The following PRICKLE1 variants were observed in gnomAD, a reference collection of about 807,000 sequenced individuals.
The protein encoded by PRICKLE1 is prickle-like protein 1.
In PRICKLE1, 14 loss-of-function variants were observed where a neutral mutation model predicts 70.2. That is an observed-to-expected ratio of 0.20 (90% confidence interval 0.13 to 0.31). The LOEUF (loss-of-function observed/expected upper bound fraction) is 0.31, where lower values mean the gene tolerates loss of function less well. Among genes scored for constraint, PRICKLE1 ranks in the 10% least tolerant of loss-of-function variants. The probability of loss-of-function intolerance (pLI) is 1.00; values close to 1 mark genes in which losing one functional copy is unlikely to be tolerated. For missense variants in PRICKLE1, 821 were observed against 1,026.2 expected, an observed-to-expected ratio of 0.80 and a Z score of 2.73; for synonymous variants, 357 against 379.9, an observed-to-expected ratio of 0.94 and a Z score of 0.70.
chr12:42,480,019 A>G (rs1938736187), intron 1 of PRICKLE1, among the ~76,000 whole-genome samples: 1 of 152,048 alleles, frequency 6.6e-6, no homozygotes, highest in African/African-American at 2.4e-5. Context: ...TGTAAAAATT[A>G]TATGTGATTT....
intron 1 of PRICKLE1, among the ~76,000 whole-genome samples, chr12:42,548,753 A>G (rs1940255106): frequency 1.3e-5 from 2 of 152,274 alleles, no homozygotes; most frequent in South Asian, 4.1e-4. Context: ...TATCCTGTCC[A>G]TCCCTCACCT....
intron 1 of PRICKLE1, among the ~76,000 whole-genome samples, chr12:42,586,475 A>T (rs1940989230): frequency 1.3e-5 from 2 of 151,816 alleles, no homozygotes; most frequent in Non-Finnish European, 2.9e-5. Context: ...GATCCTCCCC[A>T]GTAGCTGGGG....
chr12:42,459,223 T>C lies in PRICKLE1; in HGVS notation c.*586A>G, dbSNP rs1371070079. ...TAAATTAGGAATACACTTAAGTCTA[T>C]GAAATACTAAGTTATAAATAGCAAT... On this transcript the variant is annotated 3_prime_UTR_variant, in exon 8 of 8. Transcript: ENST00000345127. 5.7e-6 allele frequency: 4 copies of C among 697,098 alleles called. No individual in the cohort carries two copies. In the South Asian group the frequency reaches 6.0e-5, roughly 10 times the overall value. 43.2% of individuals were successfully genotyped at this position (697,098 alleles called of 1,614,324 possible).
intron 1 of PRICKLE1, among the ~76,000 whole-genome samples, chr12:42,505,179 C>A (rs926702756): frequency 1.3e-5 from 2 of 151,994 alleles, no homozygotes; most frequent in Non-Finnish European, 2.9e-5. Context: ...ACGGCTACTT[C>A]ACAGTTCTGG....
chr12:42,539,908 C>T (rs1384787446), intron 1 of PRICKLE1, among the ~76,000 whole-genome samples: 1 of 150,982 alleles, frequency 6.6e-6, no homozygotes, highest in African/African-American at 2.4e-5. Flanking sequence ...CAGTGGAACA[C>T]TGCCTTTAAT....
At chr12:42,554,882 A>ATT (rs57751175) in intron 1 of PRICKLE1, among the ~76,000 whole-genome samples, 75 of 144,792 alleles carry the variant, frequency 5.2e-4, no homozygotes, top group Non-Finnish European at 8.8e-4. Context: ...ACTAGAACTT[A>ATT]TTTTTTTTTT....
chr12:42,474,742 G>C (rs1363132136), intron 1 of PRICKLE1, among the ~76,000 whole-genome samples: 1 of 152,168 alleles, frequency 6.6e-6, no homozygotes, highest in Non-Finnish European at 1.5e-5. Flanking sequence ...CTCCTACCAG[G>C]AGAATGAGTG....
intron 1 of PRICKLE1, among the ~76,000 whole-genome samples, chr12:42,476,562 C>T (rs7969910): frequency 0.63 from 94,718 of 151,152 alleles, 29,823 homozygotes; most frequent in African/African-American, 0.67. Context: ...GGGATCTGCC[C>T]GCTTTGGCCT....
At chr12:42,491,909 G>A (rs1414620418) in intron 1 of PRICKLE1, among the ~76,000 whole-genome samples, 2 of 149,304 alleles carry the variant, frequency 1.3e-5, no homozygotes, top group Admixed American at 6.8e-5. Flanking sequence ...TCAGCCTCTC[G>A]AGCAGCTGGG....
intron 1 of PRICKLE1, among the ~76,000 whole-genome samples, chr12:42,473,511 C>A (rs143168056): frequency 6.6e-6 from 1 of 152,244 alleles, no homozygotes; most frequent in African/African-American, 2.4e-5. Context: ...TTCTTTGTAT[C>A]TTCTGATTAT....
At chr12:42,554,882 A>AT (rs57751175) in intron 1 of PRICKLE1, among the ~76,000 whole-genome samples, 7,217 of 144,686 alleles carry the variant, frequency 0.05, 184 homozygotes, top group African/African-American at 0.066. Context: ...ACTAGAACTT[A>AT]TTTTTTTTTT....
chr12:42,588,205 T>C (rs1283004875), intron 1 of PRICKLE1, among the ~76,000 whole-genome samples: 1 of 152,212 alleles, frequency 6.6e-6, no homozygotes, highest in Non-Finnish European at 1.5e-5. Context: ...AGTCTACACC[T>C]TGGGCCTGTC....
chr12:42,563,135 A>G (rs1176038881), intron 1 of PRICKLE1, among the ~76,000 whole-genome samples: 1 of 151,812 alleles, frequency 6.6e-6, no homozygotes, highest in African/African-American at 2.4e-5. Context: ...GTGAACCGAG[A>G]TCATGCCAAT....
At chr12:42,567,862 T>TATC (rs1156434476) in intron 1 of PRICKLE1, among the ~76,000 whole-genome samples, 1 of 151,186 alleles carries the variant, frequency 6.6e-6, no homozygotes, top group African/African-American at 2.4e-5. Flanking sequence ...CATTCCACAT[T>TATC]CCTCTCTAAA....
intron 1 of PRICKLE1, among the ~76,000 whole-genome samples, chr12:42,499,572 C>T (rs1370411503): frequency 6.6e-6 from 1 of 151,976 alleles, no homozygotes; most frequent in Non-Finnish European, 1.5e-5. Context: ...AAGCACATGC[C>T]ACCACACCCG....
chr12:42,566,004 A>C (rs1259260302), intron 1 of PRICKLE1, among the ~76,000 whole-genome samples: 1 of 152,232 alleles, frequency 6.6e-6, no homozygotes, highest in Non-Finnish European at 1.5e-5. Flanking sequence ...AATGGAAGCC[A>C]GTCTGTGTGG....
intron 1 of PRICKLE1, among the ~76,000 whole-genome samples, chr12:42,487,375 T>A (rs1213099143): frequency 1.3e-5 from 2 of 152,188 alleles, no homozygotes; most frequent in African/African-American, 4.8e-5. Flanking sequence ...TATAATAGGT[T>A]GCAGTTTCCC....
chr12:42,518,360 A>T (rs1939645657), intron 1 of PRICKLE1, among the ~76,000 whole-genome samples: 1 of 152,206 alleles, frequency 6.6e-6, no homozygotes, highest in African/African-American at 2.4e-5. Context: ...GGATGTCTTG[A>T]TAAGACTATG....
intron 1 of PRICKLE1, among the ~76,000 whole-genome samples, chr12:42,563,581 T>C (rs1940565764): frequency 6.6e-6 from 1 of 150,810 alleles, no homozygotes; most frequent in Non-Finnish European, 1.5e-5. Flanking sequence ...TGGGCACCTG[T>C]AGTCCCAGCT....
Sources: gnomAD v4.1 joint callset for allele counts (sites outside exome capture counted in the v4.1 genomes callset) on GRCh38, gnomAD v4.1.1 for gene constraint, MANE v1.5 for transcripts, NCBI Gene and HGNC (gene_info 2026-07-23, HGNC 2026-07-21) for gene names.